Variants in VAV1 observed in about 807,000 individuals in gnomAD.
The protein encoded by VAV1 is proto-oncogene vav.
A neutral mutation model predicts 128.1 loss-of-function variants in VAV1; 33 were observed. The observed-to-expected ratio is 0.26, with a 90% confidence interval of 0.20 to 0.34. The LOEUF (loss-of-function observed/expected upper bound fraction) is 0.34, where lower values mean the gene tolerates loss of function less well. Ranked by LOEUF, VAV1 falls within the 10% of genes least tolerant of loss-of-function variation. VAV1 has a pLI of 1.00. For synonymous variants in VAV1, 394 were observed against 409.8 expected (o/e 0.96, Z 0.47); for missense variants, 715 against 1,093.7 (o/e 0.65, Z 4.88).
intron 21 of VAV1, among the ~76,000 whole-genome samples, chr19:6,840,182 T>C (rs1414817995): frequency 6.6e-6 from 1 of 152,236 alleles, no homozygotes; most frequent in African/African-American, 2.4e-5. Context: ...TGGATTTTTC[T>C]GTCCTAAGTA....
At chr19:6,819,389 C>A (rs1041716347) in intron 1 of VAV1, among the ~76,000 whole-genome samples, 2 of 152,174 alleles carry the variant, frequency 1.3e-5, no homozygotes, top group Admixed American at 1.3e-4. Flanking sequence ...AGAAACCAAC[C>A]CTACTGACAC....
rs566302507 is a variant in VAV1, at chr19:6,832,570, C to T, written c.1508+370C>T. The stretch of plus-strand genomic sequence containing the variant: ...TTCTTCCTCCTCCTCTCCTTCCTCC[C>T]CTTCCTCCTCCTCGCCCTCCTCTTC... On this transcript the variant is annotated intron_variant, in intron 15 of 26. Transcript: ENST00000602142. Among the ~76,000 whole-genome samples the T allele has an allele frequency of 6.2e-3, 769 of 123,880 alleles. 1 individual carries two copies. Among genetic ancestry groups the T allele is most frequent in the Non-Finnish European group, 7.5e-3 (472 of 62,970 alleles). The allele number at this position is 123,880 out of a possible 152,430, so 81.3% of individuals were successfully genotyped here.
intron 22 of VAV1, among the ~76,000 whole-genome samples, chr19:6,847,790 A>T (rs1972560173): frequency 6.6e-6 from 1 of 152,168 alleles, no homozygotes; most frequent in Non-Finnish European, 1.5e-5. Flanking sequence ...CTTAGTGGTG[A>T]CCTGTAGAAG....
chr19:6,831,528 G>T (rs1568308910), intron 14 of VAV1, among the ~76,000 whole-genome samples: 1 of 152,096 alleles, frequency 6.6e-6, no homozygotes, highest in Non-Finnish European at 1.5e-5. Context: ...TGGTCAGGCT[G>T]GTCTCAAACT....
At chr19:6,821,521 G>T in intron 2 of VAV1, 101 bp from the exon 3 acceptor site, 1 of 1,394,808 alleles carries the variant, frequency 7.2e-7, no homozygotes, top group Non-Finnish European at 1.0e-6. Flanking sequence ...CTTCCAAGAG[G>T]CATGGGATCT....
chr19:6,833,747 G>C lies in VAV1; in HGVS notation c.1731+14G>C. ...ACTATGAAGAAGGTAAGACTTTCCC[G>C]TGGTCCTTCCTGTGTACCACAAATA... On this transcript the variant is annotated intron_variant, in intron 18 of 26. Transcript: ENST00000602142. The C allele has an allele frequency of 6.2e-7, 1 of 1,614,122 alleles. No individual in the cohort carries two copies. The highest frequency in any genetic ancestry group is 1.3e-5 in the African/African-American group (1 of 75,028).
chr19:6,773,481 CCTTCCTTCCCCTTACAT>C (rs948497695), intron 1 of VAV1, among the ~76,000 whole-genome samples: 2 of 152,184 alleles, frequency 1.3e-5, no homozygotes, highest in African/African-American at 2.4e-5. Context: ...GCCCTGGGCC[CCTTCCTTCCCCTTACAT>C]CTTCCTTCCC....
intron 1 of VAV1, among the ~76,000 whole-genome samples, chr19:6,783,048 T>C (rs113966705): frequency 0.22 from 32,871 of 151,744 alleles, 3,634 homozygotes; most frequent in African/African-American, 0.25. Context: ...GGCGTGGTGG[T>C]GTATGCCTGT....
chr19:6,821,722 T>TC, intron 3 of VAV1, 42 bp downstream of exon 3: 1 of 1,613,548 alleles, frequency 6.2e-7, no homozygotes, highest in Non-Finnish European at 8.5e-7. Context: ...GCCCCAGTCC[T>TC]CCCCCTCCCT....
At chr19:6,848,399 TTTTTCTTTTC>T (rs968544985) in intron 23 of VAV1, among the ~76,000 whole-genome samples, 1 of 148,646 alleles carries the variant, frequency 6.7e-6, no homozygotes, top group Non-Finnish European at 1.5e-5. Context: ...TTTTCCCCTT[TTTTTCTTTTC>T]TTTTCTTTTC....
At chr19:6,830,229 T>A (rs1972023213) in intron 14 of VAV1, among the ~76,000 whole-genome samples, 1 of 151,464 alleles carries the variant, frequency 6.6e-6, no homozygotes, top group African/African-American at 2.4e-5. Flanking sequence ...CAGCTAATCT[T>A]TGTAGTTTTG....
rs1599657714 is a variant in VAV1 at position 6,824,458 on chromosome 19, T to G, written c.655-595T>G. Among the ~76,000 whole-genome samples the G allele has an allele frequency of 1.1e-4, 16 of 152,374 alleles. No homozygotes were observed. In the South Asian group the frequency reaches 3.3e-3, roughly 32 times the overall value. On this transcript the variant is annotated intron_variant, in intron 6 of 26. Coordinates refer to ENST00000602142, the MANE Select transcript of VAV1 (RefSeq NM_005428.4). ...CTGAGCGTAGTGTTTTCAAGGTTCA[T>G]CCACATTGTAGCCTGTGTCAGAGCT...
intron 1 of VAV1, among the ~76,000 whole-genome samples, chr19:6,796,616 G>T (rs1372686223): frequency 1.3e-5 from 2 of 152,138 alleles, no homozygotes; most frequent in Admixed American, 1.3e-4. Context: ...TGCCTGAAAT[G>T]CTTTTCCTCC....
chr19:6,792,015 G>A (rs184599075), intron 1 of VAV1, among the ~76,000 whole-genome samples: 4 of 152,190 alleles, frequency 2.6e-5, no homozygotes, highest in African/African-American at 9.6e-5. Context: ...AACTTAAGGG[G>A]GGGATGGGAA....
chr19:6,800,701 C>T (rs1013080351), intron 1 of VAV1, among the ~76,000 whole-genome samples: 2 of 150,616 alleles, frequency 1.3e-5, no homozygotes, highest in African/African-American at 2.4e-5. Flanking sequence ...GGCTCACTGC[C>T]ACCTCCGCCT....
At chr19:6,804,874 C>T (rs189261120) in intron 1 of VAV1, among the ~76,000 whole-genome samples, 16 of 151,988 alleles carry the variant, frequency 1.1e-4, no homozygotes, top group Admixed American at 3.3e-4. Context: ...CAGGCGCCCG[C>T]CACCATGCCC....
At chr19:6,789,258 TTC>T (rs758208990) in intron 1 of VAV1, among the ~76,000 whole-genome samples, 17 of 151,752 alleles carry the variant, frequency 1.1e-4, no homozygotes, top group Non-Finnish European at 1.9e-4. Context: ...CTCTCCTTTC[TTC>T]TTTTTTTTTT....
At chr19:6,818,079 C>G (rs1252873553) in intron 1 of VAV1, among the ~76,000 whole-genome samples, 1 of 152,096 alleles carries the variant, frequency 6.6e-6, no homozygotes, top group Admixed American at 6.6e-5. Flanking sequence ...TTCCACCTCC[C>G]AACGTGCTGG....
Position 6,853,097 on chromosome 19 carries a change from G to A in VAV1, c.2332+18G>A. On this transcript the variant is annotated intron_variant, in intron 25 of 26. Coordinates refer to ENST00000602142, the MANE Select transcript of VAV1 (RefSeq NM_005428.4). ...GCCAGCAGGTAGGAGGTCTCAGACTGGGGGCTTACAGCCTCAGCCCCTTCC... is the reference window on the plus strand; with the variant it reads ...GCCAGCAGGTAGGAGGTCTCAGACTAGGGGCTTACAGCCTCAGCCCCTTCC... The A allele has an allele frequency of 6.2e-7, 1 of 1,607,420 alleles. No homozygotes were observed. The highest frequency in any genetic ancestry group is 8.5e-7 in the Non-Finnish European group (1 of 1,175,448).
Sources: gnomAD v4.1 joint callset for allele counts (sites outside exome capture counted in the v4.1 genomes callset) on GRCh38, gnomAD v4.1.1 for gene constraint, MANE v1.5 for transcripts, NCBI Gene and HGNC (gene_info 2026-07-23, HGNC 2026-07-21) for gene names.